Variants in PCDH7 observed in about 807,000 individuals in gnomAD.
PCDH7 encodes the protein protocadherin-7.
Under a neutral mutation model 58.9 loss-of-function variants are expected in PCDH7, and 17 were observed. The observed-to-expected ratio is 0.29, with a 90% CI of 0.20 to 0.43. The LOEUF (loss-of-function observed/expected upper bound fraction) is 0.43. PCDH7 is among the 20% of genes least tolerant of loss of function. The pLI, the probability that PCDH7 is intolerant of heterozygous loss-of-function variation, is 1.00. For missense variants in PCDH7, 1,274 were observed against 1,441.0 expected (o/e 0.88, Z 1.88); for synonymous variants, 664 against 616.4 (o/e 1.08, Z -1.14).
chr4:30,785,587 A>G (rs975982278), intron 1 of PCDH7, among the ~76,000 whole-genome samples: 2 of 152,054 alleles, frequency 1.3e-5, no homozygotes, highest in Non-Finnish European at 2.9e-5. Flanking sequence ...TATTGATAAT[A>G]TACTGTCAGA....
At chr4:31,111,382 A>G (rs990770293) in intron 3 of PCDH7, among the ~76,000 whole-genome samples, 2 of 149,144 alleles carry the variant, frequency 1.3e-5, no homozygotes, top group African/African-American at 5.0e-5. Flanking sequence ...ACCTCGGCTC[A>G]CTGCAACCTC....
intron 3 of PCDH7, among the ~76,000 whole-genome samples, chr4:31,087,575 G>C (rs1184945724): frequency 1.3e-5 from 2 of 152,062 alleles, no homozygotes; most frequent in African/African-American, 2.4e-5. Flanking sequence ...TTAATGAGAA[G>C]AGACATAGAA....
intron 3 of PCDH7, among the ~76,000 whole-genome samples, chr4:31,101,130 A>G (rs1056294793): frequency 6.6e-6 from 1 of 152,084 alleles, no homozygotes; most frequent in Non-Finnish European, 1.5e-5. Context: ...TCTCATTTGT[A>G]TAAAAATCCA....
chr4:30,990,217 AC>A (rs1472419757), intron 3 of PCDH7, among the ~76,000 whole-genome samples: 1 of 152,030 alleles, frequency 6.6e-6, no homozygotes, highest in Non-Finnish European at 1.5e-5. Flanking sequence ...GGAAAAAAAA[AC>A]ATGCAATGAT....
At chr4:30,951,114 T>A (rs1747322654) in intron 3 of PCDH7, among the ~76,000 whole-genome samples, 1 of 152,150 alleles carries the variant, frequency 6.6e-6, no homozygotes, top group African/African-American at 2.4e-5. Context: ...CTAGGAAGAT[T>A]CCTGGCAGAT....
intron 3 of PCDH7, among the ~76,000 whole-genome samples, chr4:30,954,899 C>T (rs757847583): frequency 2.0e-5 from 3 of 152,076 alleles, no homozygotes; most frequent in Non-Finnish European, 4.4e-5. Flanking sequence ...AGCTAAATCA[C>T]GGATGTAATC....
At position 30,992,061 on chromosome 4, in the gene PCDH7, C is replaced by G. The variant is rs116506974; in HGVS notation, c.*7+41846C>G. Among the ~76,000 whole-genome samples, 626 of 152,180 alleles carry G rather than the reference C, an allele frequency of 4.1e-3. 5 individuals carry two copies. Among genetic ancestry groups the G allele is most frequent in the Middle Eastern group, 0.017 (5 of 294 alleles). ...GAATGACTTTGGGCAAATAATGAAG[C>G]CTTCTGAGGCCTCAGTTTCCTTATC... is the stretch of plus-strand genomic sequence containing the variant. On this transcript the variant is annotated intron_variant, in intron 3 of 3. Coordinates refer to the PCDH7 transcript ENST00000509759.
intron 1 of PCDH7, among the ~76,000 whole-genome samples, chr4:30,850,806 C>A (rs1732633411): frequency 1.3e-5 from 2 of 152,088 alleles, no homozygotes; most frequent in South Asian, 4.1e-4. Context: ...TAGCTATCCA[C>A]CTGATAACAC....
At chr4:31,130,380 T>G (rs1718829409) in intron 3 of PCDH7, among the ~76,000 whole-genome samples, 1 of 152,152 alleles carries the variant, frequency 6.6e-6, no homozygotes, top group Non-Finnish European at 1.5e-5. Flanking sequence ...CTTTAGTGTA[T>G]TCTAAAAAAT....
At chr4:31,062,364 C>A (rs1757754135) in intron 3 of PCDH7, among the ~76,000 whole-genome samples, 1 of 151,580 alleles carries the variant, frequency 6.6e-6, no homozygotes, top group African/African-American at 2.4e-5. Context: ...CATAAAGGAA[C>A]CAATATAGAT....
intron 1 of PCDH7, among the ~76,000 whole-genome samples, chr4:30,792,865 G>A (rs1184793184): frequency 6.6e-6 from 1 of 152,098 alleles, no homozygotes; most frequent in Non-Finnish European, 1.5e-5. Flanking sequence ...TCAGAAACTG[G>A]CTGCCTCCCG....
At chr4:30,813,687 G>A (rs1273021693) in intron 1 of PCDH7, among the ~76,000 whole-genome samples, 1 of 151,970 alleles carries the variant, frequency 6.6e-6, no homozygotes, top group Non-Finnish European at 1.5e-5. Context: ...TTTTGTCCAG[G>A]CTAGAGTGCA....
chr4:30,731,096 C>A lies in PCDH7; in HGVS notation c.*308C>A, dbSNP rs1445001907. On this transcript the variant is annotated 3_prime_UTR_variant, in exon 2 of 2. Transcript: ENST00000361762. ...TAACAGTGATGTCTTTTAAAAAATCCAAAAGCATATTGCAACAATAAGTTT... is the reference window on the plus strand; with the variant it reads ...TAACAGTGATGTCTTTTAAAAAATCAAAAAGCATATTGCAACAATAAGTTT... The A allele has an allele frequency of 4.6e-6, 5 of 1,082,410 alleles. No individual in the cohort carries two copies. The African/African-American group carries it at 8.2e-5, about 18-fold the overall frequency. The allele number at this position is 1,082,410 out of a possible 1,614,324, so 67.1% of individuals were successfully genotyped here.
chr4:30,893,942 A>T (rs564314313), intron 1 of PCDH7, among the ~76,000 whole-genome samples: 1 of 152,244 alleles, frequency 6.6e-6, no homozygotes, highest in Admixed American at 6.5e-5. Context: ...CAAATATGGT[A>T]CAGGGAGGCC....
At chr4:31,085,022 T>C (rs991362408) in intron 3 of PCDH7, among the ~76,000 whole-genome samples, 3 of 152,118 alleles carry the variant, frequency 2.0e-5, no homozygotes, top group African/African-American at 4.8e-5. Context: ...AGAATTCCAA[T>C]AGAGAGAGTA....
chr4:30,846,486 T>G (rs547402734), intron 1 of PCDH7, among the ~76,000 whole-genome samples: 2 of 107,562 alleles, frequency 1.9e-5, no homozygotes, highest in East Asian at 7.3e-4. Flanking sequence ...GAACTGTGAG[T>G]TTTTTTTTTT....
chr4:31,111,344 G>T (rs1252681833), intron 3 of PCDH7, among the ~76,000 whole-genome samples: 1 of 147,084 alleles, frequency 6.8e-6, no homozygotes, highest in Non-Finnish European at 1.5e-5. Flanking sequence ...GTCTCGCTCT[G>T]TCGCTCGGGC....
chr4:31,013,553 C>T (rs531089702), intron 3 of PCDH7, among the ~76,000 whole-genome samples: 1 of 147,310 alleles, frequency 6.8e-6, no homozygotes, highest in South Asian at 2.2e-4. Flanking sequence ...ATTATAGTCT[C>T]CTTTCCCAGA....
intron 2 of PCDH7, among the ~76,000 whole-genome samples, chr4:30,946,476 C>T (rs80212067): frequency 0.04 from 6,022 of 152,120 alleles, 406 homozygotes; most frequent in African/African-American, 0.14. Context: ...TCTCACCCAC[C>T]TCCCTCCCAC....
Sources: gnomAD v4.1 joint callset for allele counts (sites outside exome capture counted in the v4.1 genomes callset) on GRCh38, gnomAD v4.1.1 for gene constraint, MANE v1.5 for transcripts, NCBI Gene and HGNC (gene_info 2026-07-23, HGNC 2026-07-21) for gene names.